Variants in ZNF75D observed in about 807,000 individuals in gnomAD.
ZNF75D encodes the protein zinc finger protein 75.
Under a neutral mutation model 33.3 loss-of-function variants are expected in ZNF75D, and 33 were observed. That is an observed-to-expected ratio of 0.99 (90% CI 0.75 to 1.32). The LOEUF (loss-of-function observed/expected upper bound fraction) is 1.32. Ranked by LOEUF, ZNF75D falls within the 40% of genes most tolerant of loss-of-function variation. ZNF75D has a pLI of 0.00. For missense variants in ZNF75D, 338 were observed against 367.5 expected (o/e 0.92, Z 0.66); for synonymous variants, 113 against 130.6 (o/e 0.87, Z 0.92).
In ZNF75D at chrX:135,250,548, C is replaced by T. The variant is rs1556413576; in HGVS notation, n.1297-1247G>A. Among the ~76,000 whole-genome samples, 2 of 106,555 alleles carry T rather than the reference C, an allele frequency of 1.9e-5. 1 individual carries two copies. The highest frequency in any genetic ancestry group is 3.9e-5 in the Non-Finnish European group (2 of 51,167). 92.5% of individuals were successfully genotyped at this position (106,555 alleles called of 115,157 possible). ...TTTAGACTCTGGCCCTGCAGAGCTA[C>T]ATCTCATCCTTGCATCTACAGGGCT... is the stretch of plus-strand genomic sequence containing the variant. On this transcript the variant is annotated intron_variant and non_coding_transcript_variant, in intron 3 of 3. Coordinates refer to the ZNF75D transcript ENST00000494295.
chrX:135,270,352 C>CAT (rs530211370), intron 1 of ZNF75D, among the ~76,000 whole-genome samples: 872 of 63,309 alleles, frequency 0.014, 13 homozygotes, highest in Non-Finnish European at 0.019. Context: ...CAAAATATCT[C>CAT]ATATATATAT....
intron 1 of ZNF75D, among the ~76,000 whole-genome samples, chrX:135,331,249 T>C (rs1405669825): frequency 1.8e-5 from 2 of 111,155 alleles, no homozygotes; most frequent in African/African-American, 6.5e-5. Context: ...GTTGTTCTTC[T>C]CATTGTCCCC....
At chrX:135,318,557 C>T (rs186513852) in intron 1 of ZNF75D, among the ~76,000 whole-genome samples, 7 of 111,675 alleles carry the variant, frequency 6.3e-5, no homozygotes, top group East Asian at 2.8e-4. Context: ...ATTATTAAAA[C>T]GGTTTGCAGC....
At chrX:135,273,086 A>G (rs1354167885) in intron 1 of ZNF75D, among the ~76,000 whole-genome samples, 1 of 111,958 alleles carries the variant, frequency 8.9e-6, no homozygotes, top group Non-Finnish European at 1.9e-5. Context: ...CCATTATAAC[A>G]TACTTTGGTG....
rs1353324530 is a variant in ZNF75D at position 135,295,918 on chromosome X, G to C, written c.-269C>G. ...GGGAAGCGACGTCAGGAAAGCGCGGGATGCCTGGCGAGTGAAGCTCCAAGA... is the reference window on the plus strand; with the variant it reads ...GGGAAGCGACGTCAGGAAAGCGCGGCATGCCTGGCGAGTGAAGCTCCAAGA... On this transcript the variant is annotated 5_prime_UTR_variant, in exon 2 of 7. The change creates a new upstream start codon in the 5' untranslated region. Coordinates refer to ENST00000370766, the MANE Select transcript of ZNF75D (RefSeq NM_007131.5). 9.0e-6 allele frequency: 1 copy of C among 111,246 alleles called. No individual in the cohort carries two copies. Among genetic ancestry groups the C allele is most frequent in the Non-Finnish European group, 1.9e-5 (1 of 53,016 alleles). The allele number at this position is 111,246 out of a possible 1,213,427, so 9.2% of individuals were successfully genotyped here. A position where few individuals can be genotyped will look rare whatever the true frequency, so the allele number is the denominator to read the frequency against.
chrX:135,336,435 A>G (rs945582541), intron 1 of ZNF75D, among the ~76,000 whole-genome samples: 5 of 113,033 alleles, frequency 4.4e-5, no homozygotes, highest in African/African-American at 1.6e-4. Flanking sequence ...ATATCTAACC[A>G]TATCTGAGGA....
chrX:135,269,604 T>C (rs2083874871), intron 1 of ZNF75D, among the ~76,000 whole-genome samples: 1 of 111,866 alleles, frequency 8.9e-6, no homozygotes, highest in Admixed American at 9.5e-5. Context: ...TAACAAATGC[T>C]GGTGAAGATC....
In ZNF75D at chrX:135,342,181, A is replaced by G. The variant is rs1288071379; in HGVS notation, c.-804T>C. On this transcript the variant is annotated 5_prime_UTR_variant, in exon 1 of 7. Coordinates refer to ENST00000370766, the MANE Select transcript of ZNF75D (RefSeq NM_007131.5). ...GAACAAGAAGTAGCAACTACTCTAC[A>G]CTTCAGGGCTCCTCTAAGTATCCAT... 4 of 112,056 alleles carry G rather than the reference A, an allele frequency of 3.6e-5. No individual in the cohort carries two copies. Among genetic ancestry groups the G allele is most frequent in the African/African-American group, 1.3e-4 (4 of 30,751 alleles). The allele number at this position is 112,056 out of a possible 1,213,427, so 9.2% of individuals were successfully genotyped here.
In ZNF75D at chrX:135,292,392, C is replaced by T; in HGVS notation, c.493G>A (p.Glu165Lys). 1 of 1,211,664 alleles carries T rather than the reference C, an allele frequency of 8.3e-7. No individual in the cohort carries two copies. The highest frequency in any genetic ancestry group is 1.1e-6 in the Non-Finnish European group (1 of 895,413). The change falls in exon 4 of 7, where the codon GAG becomes AAG. Residue 165 changes from glutamate to lysine, a missense_variant. Glu to Lys is a moderately conservative substitution (Grantham distance 56). Transcript: ENST00000370766. ...VAPGFKWKPA[E>K]PQPMGVFQKE... is the part of the protein sequence containing the mutation. ...TGGAACACACCCATTGGTTGGGGCTCTGCTGGCTTCCACTTGAAGCCTGGG... is the reference window on the plus strand; with the variant it reads ...TGGAACACACCCATTGGTTGGGGCTTTGCTGGCTTCCACTTGAAGCCTGGG...
chrX:135,281,571 G>A (rs73224776), downstream of ZNF75D, among the ~76,000 whole-genome samples: 232 of 111,300 alleles, frequency 2.1e-3, no homozygotes, highest in Non-Finnish European at 3.7e-3. Context: ...GAGGCATTAC[G>A]GTTTTTGGAA....
chrX:135,288,443 C>T (rs782469721), intron 6 of ZNF75D, among the ~76,000 whole-genome samples: 21 of 112,375 alleles, frequency 1.9e-4, no homozygotes, highest in Non-Finnish European at 3.0e-4. Flanking sequence ...ACTCAGAAGG[C>T]TGCATTTTTG....
intron 1 of ZNF75D, among the ~76,000 whole-genome samples, chrX:135,341,011 T>A (rs2084777468): frequency 9.0e-6 from 1 of 111,724 alleles, no homozygotes; most frequent in African/African-American, 3.3e-5. Flanking sequence ...ATAAGAATAG[T>A]CTGACTCACA....
chrX:135,249,459 A>C, intron 3 of ZNF75D, among the ~76,000 whole-genome samples: 1 of 107,736 alleles, frequency 9.3e-6, no homozygotes, highest in Non-Finnish European at 1.9e-5. Context: ...TGATTTTTAA[A>C]TTTCTTTGAG....
intron 1 of ZNF75D, chrX:135,297,536 T>A (rs1192548133): frequency 8.9e-6 from 1 of 112,643 alleles, no homozygotes; most frequent in African/African-American, 3.3e-5. Context: ...GATGGTCAGA[T>A]AAAAGTCATT....
chrX:135,333,525 A>C (rs1337730240), intron 1 of ZNF75D, among the ~76,000 whole-genome samples: 1 of 112,154 alleles, frequency 8.9e-6, no homozygotes, highest in African/African-American at 3.2e-5. Context: ...TGAGCAGATG[A>C]AGGAACCCTT....
In ZNF75D at chrX:135,287,237, G is replaced by C; in HGVS notation, c.1433C>G (p.Thr478Arg). Residue 478 changes from threonine (T) to arginine (R), a missense_variant, in exon 7 of 7, where the codon ACG becomes AGG. By Grantham distance (71) the Thr-to-Arg change is moderately conservative. Transcript: ENST00000370766. ...QRTHTGEQPY[T>R]CSLCKRNFSR... ...AAAGTTTCTCTTGCATAAGCTACAC[G>C]TATAAGGCTGCTCACCTGTGTGAGT... 8.3e-7 allele frequency: 1 copy of C among 1,211,554 alleles called. No individual in the cohort carries two copies. Among genetic ancestry groups the C allele is most frequent in the Non-Finnish European group, 1.1e-6 (1 of 895,224 alleles).
intron 1 of ZNF75D, among the ~76,000 whole-genome samples, chrX:135,323,989 GCACACACACACA>G (rs34146473): frequency 4.1e-5 from 4 of 97,603 alleles, no homozygotes; most frequent in African/African-American, 1.5e-4. Flanking sequence ...ACTTGTTGCA[GCACACACACACA>G]CACACACACA....
At chrX:135,258,234 T>A (rs1248077472) in intron 1 of ZNF75D, among the ~76,000 whole-genome samples, 2 of 105,649 alleles carry the variant, frequency 1.9e-5, no homozygotes, top group African/African-American at 6.6e-5. Flanking sequence ...TTTGCTATTG[T>A]GAATAGTGCT....
intron 1 of ZNF75D, among the ~76,000 whole-genome samples, chrX:135,265,205 G>A (rs1431807102): frequency 9.4e-6 from 1 of 106,196 alleles, no homozygotes; most frequent in Non-Finnish European, 1.9e-5. Flanking sequence ...GGCAACAAGA[G>A]TGAAACTCTG....
Sources: allele counts gnomAD v4.1 joint callset (sites outside exome capture counted in the v4.1 genomes callset), GRCh38; gene constraint gnomAD v4.1.1; transcripts MANE v1.5; gene names NCBI Gene and HGNC (gene_info 2026-07-23, HGNC 2026-07-21).